Variants in FHOD3 observed in about 807,000 individuals in gnomAD.
FHOD3 encodes formin homology 2 domain containing 3.
Under a neutral mutation model 173.0 loss-of-function variants are expected in FHOD3, and 90 were observed. That is an observed-to-expected ratio of 0.52 (90% CI 0.44 to 0.62). FHOD3 has a LOEUF of 0.62. Ranked by LOEUF, FHOD3 falls within the 20% of genes least tolerant of loss-of-function variation. The probability of loss-of-function intolerance (pLI) is 0.00; values close to 1 mark genes in which losing one functional copy is unlikely to be tolerated. For missense variants in FHOD3, 1,945 were observed against 2,034.7 expected (o/e 0.96, Z 0.85); for synonymous variants, 828 against 823.0 (o/e 1.01, Z -0.10).
At chr18:36,504,735 T>C (rs888578087) in intron 4 of FHOD3, among the ~76,000 whole-genome samples, 5 of 151,690 alleles carry the variant, frequency 3.3e-5, no homozygotes, top group Admixed American at 1.3e-4. Context: ...CTAAAACTTA[T>C]AGTAATAATA....
At chr18:36,529,692 C>T (rs1173117309) in intron 5 of FHOD3, among the ~76,000 whole-genome samples, 2 of 151,844 alleles carry the variant, frequency 1.3e-5, no homozygotes, top group Non-Finnish European at 2.9e-5. Context: ...CCCAGCTACT[C>T]GGGAGGCTGA....
At position 36,764,684 on chromosome 18, in the gene FHOD3, A is replaced by G. The variant is rs191393485; in HGVS notation, c.4624+3902A>G. ...AAAGATGTTGGTGGGTTTGTACAAC[A>G]TGGGGTCATCTTTGCTGGCGTATGA... On this transcript the variant is annotated intron_variant, in intron 27 of 28. Coordinates refer to ENST00000590592, the MANE Select transcript of FHOD3 (RefSeq NM_001281740.3). Among the ~76,000 whole-genome samples the G allele has an allele frequency of 7.2e-5, 11 of 152,310 alleles. No homozygotes were observed. In the East Asian group the frequency reaches 2.1e-3, roughly 29 times the overall value.
chr18:36,605,462 C>T (rs1239806901), intron 8 of FHOD3, among the ~76,000 whole-genome samples: 1 of 152,222 alleles, frequency 6.6e-6, no homozygotes, highest in Non-Finnish European at 1.5e-5. Flanking sequence ...GCAGTTCTTT[C>T]TCATCCTTTG....
At chr18:36,757,936 G>T (rs553661982) in intron 25 of FHOD3, among the ~76,000 whole-genome samples, 1 of 152,210 alleles carries the variant, frequency 6.6e-6, no homozygotes, top group Non-Finnish European at 1.5e-5. Context: ...GGCCTCCCAC[G>T]TTGGAGGGCA....
intron 13 of FHOD3, among the ~76,000 whole-genome samples, chr18:36,655,366 G>A (rs1346185575): frequency 1.3e-5 from 2 of 152,192 alleles, no homozygotes; most frequent in South Asian, 2.1e-4. Context: ...CCTAGTTGGG[G>A]CTTTCCTGGG....
At chr18:36,346,764 C>T (rs1426084027) in intron 1 of FHOD3, among the ~76,000 whole-genome samples, 1 of 152,228 alleles carries the variant, frequency 6.6e-6, no homozygotes, top group African/African-American at 2.4e-5. Flanking sequence ...CATCTGCTCA[C>T]AGCCATTCCA....
chr18:36,636,660 T>TTTG (rs2034909220), intron 10 of FHOD3, among the ~76,000 whole-genome samples: 1 of 151,848 alleles, frequency 6.6e-6, no homozygotes, highest in Admixed American at 6.6e-5. Flanking sequence ...CCTGAGGTTT[T>TTTG]TTTTTTTTTT....
At chr18:36,558,939 G>A (rs1429583021) in intron 5 of FHOD3, among the ~76,000 whole-genome samples, 1 of 152,126 alleles carries the variant, frequency 6.6e-6, no homozygotes, top group Non-Finnish European at 1.5e-5. Flanking sequence ...CCCACATTCA[G>A]ACCCCTGTGC....
At chr18:36,707,494 C>T (rs1369431078) in intron 17 of FHOD3, among the ~76,000 whole-genome samples, 1 of 152,240 alleles carries the variant, frequency 6.6e-6, no homozygotes, top group Non-Finnish European at 1.5e-5. Context: ...ATTTCATCTG[C>T]TCCACTGCAT....
chr18:36,675,135 C>A (rs1193422869), intron 14 of FHOD3, among the ~76,000 whole-genome samples: 1 of 152,094 alleles, frequency 6.6e-6, no homozygotes, highest in Non-Finnish European at 1.5e-5. Context: ...CTCCTGCACA[C>A]CTAGGGAAGG....
In FHOD3 at chr18:36,626,780, C is replaced by A. The variant is rs575875911; in HGVS notation, c.1196+1031C>A. On this transcript the variant is annotated intron_variant, in intron 10 of 28. Transcript: ENST00000590592. The stretch of plus-strand genomic sequence containing the variant: ...AAATCACTCAGAATAAGTTGGATGA[C>A]CTTAAGAAAGAGTGATCAAGATATA... Among the ~76,000 whole-genome samples the A allele has an allele frequency of 2.6e-5, 4 of 152,282 alleles. No homozygotes were observed. The East Asian group carries it at 7.7e-4, about 29-fold the overall frequency.
At chr18:36,337,677 T>C (rs1370795196) in intron 1 of FHOD3, among the ~76,000 whole-genome samples, 1 of 152,234 alleles carries the variant, frequency 6.6e-6, no homozygotes. Context: ...GTGCACAAGT[T>C]GTAATTTAGA....
chr18:36,603,692 C>T (rs1043089228), intron 8 of FHOD3, among the ~76,000 whole-genome samples: 19 of 151,754 alleles, frequency 1.3e-4, no homozygotes, highest in South Asian at 1.2e-3. Context: ...TTAGTAGAGT[C>T]GGGGTTTAGC....
chr18:36,445,634 C>T (rs2051423103), intron 3 of FHOD3, among the ~76,000 whole-genome samples: 1 of 152,036 alleles, frequency 6.6e-6, no homozygotes, highest in Admixed American at 6.6e-5. Flanking sequence ...TTCCATTGAC[C>T]ATGAGGCAGT....
intron 3 of FHOD3, among the ~76,000 whole-genome samples, chr18:36,491,710 G>C (rs1350181577): frequency 6.7e-6 from 1 of 148,736 alleles, no homozygotes; most frequent in Non-Finnish European, 1.5e-5. Context: ...TCACTTTTTA[G>C]AGGAACAGCA....
rs371741577 is a variant in FHOD3 at position 36,712,564 on chromosome 18, G to A, written c.2533+3173G>A. Among the ~76,000 whole-genome samples, 14 of 152,078 alleles carry A rather than the reference G, an allele frequency of 9.2e-5. No homozygotes were observed. The East Asian group carries it at 1.7e-3, about 19-fold the overall frequency. ...TCAAAAACAAATCAGTGGAAATTAC[G>A]AACTCTGAATGACAGAAAAAAAGAG... On this transcript the variant is annotated intron_variant, in intron 18 of 28. Transcript: ENST00000590592.
At chr18:36,329,491 T>C (rs1265134260) in intron 1 of FHOD3, among the ~76,000 whole-genome samples, 2 of 152,174 alleles carry the variant, frequency 1.3e-5, no homozygotes, top group African/African-American at 2.4e-5. Flanking sequence ...GTCATTGTCA[T>C]GTAGACTTAC....
chr18:36,582,123 C>G (rs1242677474), intron 6 of FHOD3, among the ~76,000 whole-genome samples: 2 of 152,146 alleles, frequency 1.3e-5, no homozygotes, highest in Admixed American at 1.3e-4. Context: ...GGCAAGAAAA[C>G]TTTGGACACA....
intron 1 of FHOD3, among the ~76,000 whole-genome samples, chr18:36,303,243 G>A (rs370273444): frequency 5.4e-4 from 82 of 152,292 alleles, no homozygotes; most frequent in African/African-American, 1.7e-3. Context: ...GCTATACTGC[G>A]TTTAAGTGAA....
Sources: allele counts gnomAD v4.1 joint callset (sites outside exome capture counted in the v4.1 genomes callset), GRCh38; gene constraint gnomAD v4.1.1; transcripts MANE v1.5; gene names NCBI Gene and HGNC (gene_info 2026-07-23, HGNC 2026-07-21).